The following COL21A1 variants were observed in gnomAD, a reference collection of about 807,000 sequenced individuals.
COL21A1 encodes collagen alpha-1(XXI) chain.
A neutral mutation model predicts 137.9 loss-of-function variants in COL21A1; 149 were observed. That is an observed-to-expected ratio of 1.08 (90% CI 0.95 to 1.24). The LOEUF is 1.24. COL21A1 is among the 50% of genes most tolerant of loss of function. The pLI, the probability that COL21A1 is intolerant of heterozygous loss-of-function variation, is 0.00. For synonymous variants in COL21A1, 456 were observed against 391.5 expected (o/e 1.16, Z -1.95); for missense variants, 1,167 against 1,158.4 (o/e 1.01, Z -0.11).
rs753612825 is a variant in COL21A1 at position 56,060,893 on chromosome 6, G to T, written c.2350C>A (p.Pro784Thr). 6.3e-7 allele frequency: 1 copy of T among 1,580,890 alleles called. No homozygotes were observed. The highest frequency in any genetic ancestry group is 1.4e-5 in the African/African-American group (1 of 72,822). The change falls in exon 26 of 30, where the codon CCC (proline) becomes ACC (threonine). Residue 784 changes from proline to threonine, a missense_variant and splice_region_variant. Physicochemically the swap from Pro to Thr is conservative, Grantham distance 38. Transcript: ENST00000244728. ...TGTGAAAGAAGCAGAATACATACGGGCTTCCCATCCAAACCTGGGGGTCCC... is the reference window on the plus strand; with the variant it reads ...TGTGAAAGAAGCAGAATACATACGGTCTTCCCATCCAAACCTGGGGGTCCC... The part of the protein sequence containing the change: ...PQGPPGLDGK[P>T]GREFSEQFIR...
rs180922670 is a variant in COL21A1 at position 56,179,033 on chromosome 6, C to G, written c.640+545G>C. ...AACAGGAAAAATTTAAAATAAATTACAGTAGGAAATTGTCTGCTATCCTAT... is the reference window on the plus strand; with the variant it reads ...AACAGGAAAAATTTAAAATAAATTAGAGTAGGAAATTGTCTGCTATCCTAT... On this transcript the variant is annotated intron_variant, in intron 3 of 29. Coordinates refer to ENST00000244728, the MANE Select transcript of COL21A1 (RefSeq NM_030820.4). 2.0e-5 allele frequency among the ~76,000 whole-genome samples: 2 copies of G among 102,496 alleles called. 1 individual carries two copies. The highest frequency in any genetic ancestry group is 9.1e-4 in the East Asian group (2 of 2,188). 67.2% of individuals were successfully genotyped at this position (102,496 alleles called of 152,430 possible).
At chr6:56,177,493 G>A (rs1051506866) in intron 3 of COL21A1, among the ~76,000 whole-genome samples, 3 of 152,092 alleles carry the variant, frequency 2.0e-5, no homozygotes, top group Non-Finnish European at 2.9e-5. Context: ...CTCTAATACA[G>A]TATAAAATGT....
intron 1 of COL21A1, among the ~76,000 whole-genome samples, chr6:56,313,588 T>G (rs1764662058): frequency 6.6e-6 from 1 of 152,176 alleles, no homozygotes; most frequent in African/African-American, 2.4e-5. Flanking sequence ...CGCAGTGTTA[T>G]CAGATTAGGA....
chr6:56,368,720 G>T (rs577676651), intron 1 of COL21A1, among the ~76,000 whole-genome samples: 21 of 152,092 alleles, frequency 1.4e-4, no homozygotes, highest in African/African-American at 2.4e-5. Flanking sequence ...AAGCTTCAAG[G>T]TCACTTCCTA....
intron 1 of COL21A1, among the ~76,000 whole-genome samples, chr6:56,296,837 A>T (rs946981182): frequency 1.3e-5 from 2 of 152,084 alleles, no homozygotes; most frequent in African/African-American, 4.8e-5. Flanking sequence ...CACTAAATAT[A>T]TGAAATGGAT....
At chr6:56,330,848 T>G (rs1765204271) in intron 1 of COL21A1, among the ~76,000 whole-genome samples, 1 of 152,140 alleles carries the variant, frequency 6.6e-6, no homozygotes, top group African/African-American at 2.4e-5. Context: ...AAAGAGTAGT[T>G]ATATTTTTAG....
At chr6:56,271,293 T>A (rs555602935) in intron 1 of COL21A1, among the ~76,000 whole-genome samples, 136 of 152,252 alleles carry the variant, frequency 8.9e-4, no homozygotes, top group Non-Finnish European at 1.8e-3. Flanking sequence ...GCCCTAGAGA[T>A]CTGTGGAATT....
intron 1 of COL21A1, among the ~76,000 whole-genome samples, chr6:56,233,344 A>G (rs1213521247): frequency 3.9e-5 from 6 of 151,960 alleles, no homozygotes; most frequent in Non-Finnish European, 1.5e-5. Flanking sequence ...AAGAAAAACC[A>G]TGAGCTCAAT....
chr6:56,165,357 G>A (rs1776493594), intron 7 of COL21A1, among the ~76,000 whole-genome samples: 1 of 152,108 alleles, frequency 6.6e-6, no homozygotes, highest in Non-Finnish European at 1.5e-5. Context: ...GGTGCAAAAG[G>A]CAAACAGGCC....
intron 1 of COL21A1, among the ~76,000 whole-genome samples, chr6:56,280,443 A>G (rs1763763615): frequency 6.6e-6 from 1 of 152,020 alleles, no homozygotes. Flanking sequence ...TGGAGCCTCC[A>G]CTCTCAGCCA....
intron 1 of COL21A1, among the ~76,000 whole-genome samples, chr6:56,225,233 C>T (rs1781113603): frequency 6.6e-6 from 1 of 152,022 alleles, no homozygotes; most frequent in Non-Finnish European, 1.5e-5. Flanking sequence ...CAAACAACTG[C>T]CCCTGTACTC....
intron 6 of COL21A1, among the ~76,000 whole-genome samples, chr6:56,167,681 A>T (rs934032828): frequency 6.6e-6 from 1 of 152,228 alleles, no homozygotes; most frequent in Non-Finnish European, 1.5e-5. Flanking sequence ...TAATTTGAAC[A>T]TACCACAATT....
In COL21A1 at chr6:56,186,381, C is replaced by T. The variant is rs142844998; in HGVS notation, c.-38-3725G>A. ...ATGTGAATGCTGTCTATAAAAAAAT[C>T]GACATACAACATCACATTGAGTTGT... On this transcript the variant is annotated intron_variant, in intron 1 of 29. Transcript: ENST00000244728. Among the ~76,000 whole-genome samples the T allele has an allele frequency of 3.9e-5, 6 of 152,208 alleles. No homozygotes were observed. In the East Asian group the frequency reaches 5.8e-4, roughly 15 times the overall value.
intron 1 of COL21A1, among the ~76,000 whole-genome samples, chr6:56,206,835 C>T (rs1779826751): frequency 6.6e-6 from 1 of 151,250 alleles, no homozygotes; most frequent in Admixed American, 6.6e-5. Flanking sequence ...TCATAACAAA[C>T]AGTCTCTCAG....
At chr6:56,287,210 T>C (rs892319661) in intron 1 of COL21A1, among the ~76,000 whole-genome samples, 1 of 152,198 alleles carries the variant, frequency 6.6e-6, no homozygotes, top group Non-Finnish European at 1.5e-5. Context: ...AAGCAGGATA[T>C]TTTATCATAG....
chr6:56,327,151 C>T (rs1484642920), intron 1 of COL21A1, among the ~76,000 whole-genome samples: 4 of 4,164 alleles, frequency 9.6e-4, no homozygotes, highest in Admixed American at 6.7e-3. Context: ...TTGTCAAATG[C>T]TCTAAAACTC....
chr6:56,108,870 A>G (rs1771172384), intron 16 of COL21A1, among the ~76,000 whole-genome samples: 1 of 151,886 alleles, frequency 6.6e-6, no homozygotes, highest in African/African-American at 2.4e-5. Flanking sequence ...TATAAAGAAG[A>G]AATTATACAA....
chr6:56,243,711 G>A (rs7757985), intron 1 of COL21A1, among the ~76,000 whole-genome samples: 67,975 of 151,976 alleles, frequency 0.45, 16,871 homozygotes, highest in African/African-American at 0.66. Flanking sequence ...TACCAATGAG[G>A]AAACAGAAGC....
chr6:56,342,797 A>G (rs1231644737), intron 1 of COL21A1, among the ~76,000 whole-genome samples: 1 of 152,196 alleles, frequency 6.6e-6, no homozygotes, highest in East Asian at 1.9e-4. Context: ...GAGAACCACG[A>G]TCTGAATCTT....
Sources: gnomAD v4.1 joint callset for allele counts (sites outside exome capture counted in the v4.1 genomes callset) on GRCh38, gnomAD v4.1.1 for gene constraint, MANE v1.5 for transcripts, NCBI Gene and HGNC (gene_info 2026-07-23, HGNC 2026-07-21) for gene names.